CATSPERT: variants seen among roughly 807,000 people sequenced by gnomAD.
The protein encoded by CATSPERT is cation channel sperm-associated targeting subunit tau.
At chr2:201,516,686 A>G in the CATSPERT span, among the ~76,000 whole-genome samples, 2 of 152,124 alleles carry the variant, frequency 1.3e-5, no homozygotes, top group African/African-American at 2.4e-5. Context: ...AGATCACTTT[A>G]ACTTTCTCCC....
chr2:201,548,109 GATACATAGGT>G, the CATSPERT span, among the ~76,000 whole-genome samples: 7 of 152,076 alleles, frequency 4.6e-5, no homozygotes, highest in East Asian at 1.2e-3. Flanking sequence ...GTGCAGGTTT[GATACATAGGT>G]ATACATGTGC....
chr2:201,492,486 A>G, the CATSPERT span: 1 of 1,534,894 alleles, frequency 6.5e-7, no homozygotes, highest in South Asian at 1.2e-5. Flanking sequence ...TTCTACCAAA[A>G]CTCCCCTTTG....
chr2:201,522,272 C>G, the CATSPERT span, among the ~76,000 whole-genome samples: 1 of 152,148 alleles, frequency 6.6e-6, no homozygotes, highest in South Asian at 2.1e-4. Flanking sequence ...AAAGACTCTA[C>G]CAAAAACTCT....
At chr2:201,612,766 G>A in the CATSPERT span, among the ~76,000 whole-genome samples, 2 of 152,092 alleles carry the variant, frequency 1.3e-5, no homozygotes, top group African/African-American at 4.8e-5. Context: ...GCCTCACCCA[G>A]GAAGCACAGA....
the CATSPERT span, among the ~76,000 whole-genome samples, chr2:201,520,844 G>A: frequency 1.4e-4 from 21 of 150,124 alleles, no homozygotes; most frequent in East Asian, 3.3e-3. Flanking sequence ...AGTCAAGATC[G>A]TGCCACTGCA....
the CATSPERT span, chr2:201,550,107 A>G: frequency 8.5e-5 from 13 of 152,328 alleles, no homozygotes; most frequent in African/African-American, 2.9e-4. Context: ...GATGTATTAC[A>G]TCCATAAGCT....
At chr2:201,537,543 C>A in the CATSPERT span, 1 of 1,223,628 alleles carries the variant, frequency 8.2e-7, no homozygotes, top group Non-Finnish European at 1.1e-6. Flanking sequence ...TATGTATGTA[C>A]ATTAATAAAA....
At chr2:201,596,249 A>T in the CATSPERT span, among the ~76,000 whole-genome samples, 1 of 152,214 alleles carries the variant, frequency 6.6e-6, no homozygotes, top group Admixed American at 6.5e-5. Flanking sequence ...GCAGCCATAA[A>T]AAAGATGGAG....
At chr2:201,582,293 C>G in the CATSPERT span, 2 of 1,290,980 alleles carry the variant, frequency 1.5e-6, no homozygotes, top group Non-Finnish European at 2.1e-6. Context: ...ATCCAATATA[C>G]TATTACTATA....
At chr2:201,562,062 C>T in the CATSPERT span, among the ~76,000 whole-genome samples, 1 of 152,052 alleles carries the variant, frequency 6.6e-6, no homozygotes, top group Non-Finnish European at 1.5e-5. Context: ...CCATCTTTTT[C>T]TAGGCATAAT....
the CATSPERT span, among the ~76,000 whole-genome samples, chr2:201,567,294 T>C: frequency 1.3e-5 from 2 of 152,224 alleles, no homozygotes; most frequent in African/African-American, 4.8e-5. Context: ...GAGATATAGC[T>C]AAACATTCTA....
chr2:201,492,689 G>C, the CATSPERT span: 2 of 1,534,814 alleles, frequency 1.3e-6, no homozygotes. Flanking sequence ...TCTATGAAAT[G>C]ATGATTGAAA....
At chr2:201,601,862 A>G in the CATSPERT span, 1 of 1,603,596 alleles carries the variant, frequency 6.2e-7, no homozygotes, top group East Asian at 2.2e-5. Flanking sequence ...GAATGAATAA[A>G]TTAGCATAAT....
the CATSPERT span, among the ~76,000 whole-genome samples, chr2:201,528,702 T>G: frequency 1.3e-5 from 2 of 152,092 alleles, no homozygotes; most frequent in African/African-American, 2.4e-5. Context: ...AAGTGGGAGC[T>G]AAACATTGAA....
At chr2:201,502,718 T>G in the CATSPERT span, among the ~76,000 whole-genome samples, 7 of 152,186 alleles carry the variant, frequency 4.6e-5, no homozygotes, top group Non-Finnish European at 1.0e-4. Context: ...TAGCATGGTT[T>G]TCTTTAGGTT....
At chr2:201,547,620 G>T in the CATSPERT span, 13 of 1,412,082 alleles carry the variant, frequency 9.2e-6, no homozygotes, top group African/African-American at 1.5e-5. Flanking sequence ...CCTAAAGAAA[G>T]AAATAAGTTA....
the CATSPERT span, chr2:201,554,304 G>T: frequency 6.6e-6 from 1 of 151,930 alleles, no homozygotes; most frequent in Non-Finnish European, 1.5e-5. Flanking sequence ...AGCCTGTGAG[G>T]CTGCCATAGG....
chr2:201,515,204 T>TAG, the CATSPERT span, among the ~76,000 whole-genome samples: 9 of 3,448 alleles, frequency 2.6e-3, 3 homozygotes, highest in African/African-American at 0.011. Context: ...TGCCCATAGT[T>TAG]TTTTTTTTTT....
At chr2:201,581,521 TATAA>T in the CATSPERT span, among the ~76,000 whole-genome samples, 3 of 74,532 alleles carry the variant, frequency 4.0e-5, 1 homozygote, top group African/African-American at 1.2e-4. Flanking sequence ...TATATATATA[TATAA>T]AATATTCTGG....
Sources: gnomAD v4.1 joint callset for allele counts (sites outside exome capture counted in the v4.1 genomes callset) on GRCh38, gnomAD v4.1.1 for gene constraint, MANE v1.5 for transcripts, NCBI Gene and HGNC (gene_info 2026-07-23, HGNC 2026-07-21) for gene names.